Variants in SH3GL2 observed in about 807,000 individuals in gnomAD.
SH3GL2 encodes the protein SH3 domain containing GRB2 like 2, endophilin A1.
Under a neutral mutation model 46.0 loss-of-function variants are expected in SH3GL2, and 24 were observed. The observed-to-expected ratio is 0.52, with a 90% CI of 0.38 to 0.73. The LOEUF is 0.73. Ranked by LOEUF, SH3GL2 falls within the 30% of genes least tolerant of loss-of-function variation. The pLI, the probability that SH3GL2 is intolerant of heterozygous loss-of-function variation, is 0.00. For synonymous variants in SH3GL2, 196 were observed against 147.1 expected (o/e 1.33, Z -2.40); for missense variants, 413 against 424.2 (o/e 0.97, Z 0.23).
intron 3 of SH3GL2, among the ~76,000 whole-genome samples, chr9:17,782,532 G>A (rs1037665732): frequency 6.6e-6 from 1 of 152,134 alleles, no homozygotes; most frequent in Non-Finnish European, 1.5e-5. Context: ...AAAAGACTCA[G>A]TGGTAGCCTT....
At chr9:17,760,436 A>T (rs1823137364) in intron 2 of SH3GL2, among the ~76,000 whole-genome samples, 1 of 151,918 alleles carries the variant, frequency 6.6e-6, no homozygotes, top group Non-Finnish European at 1.5e-5. Flanking sequence ...TATATATTAT[A>T]TACCGGTATA....
Position 17,687,468 on chromosome 9 carries a change from C to T in SH3GL2, c.46-59598C>T, listed in dbSNP as rs375033907. Reference sequence around the variant, plus strand: ...CTGTTTTTGACTCTGTAACAGGGTACATAGGTTCAATACAAACTTTTTTAA... The same window carrying T: ...CTGTTTTTGACTCTGTAACAGGGTATATAGGTTCAATACAAACTTTTTTAA... On this transcript the variant is annotated intron_variant, in intron 1 of 8. Coordinates refer to ENST00000380607, the MANE Select transcript of SH3GL2 (RefSeq NM_003026.5). 1.1e-4 allele frequency among the ~76,000 whole-genome samples: 16 copies of T among 151,628 alleles called. 1 individual carries two copies. Among genetic ancestry groups the T allele is most frequent in the Admixed American group, 5.9e-4 (9 of 15,220 alleles).
chr9:17,729,176 G>A (rs1428278925), intron 1 of SH3GL2, among the ~76,000 whole-genome samples: 1 of 152,132 alleles, frequency 6.6e-6, no homozygotes, highest in Non-Finnish European at 1.5e-5. Context: ...GCATGAGCTG[G>A]TATCTCACTG....
At chr9:17,755,669 T>C (rs2131142950) in intron 2 of SH3GL2, 1 of 394,680 alleles carries the variant, frequency 2.5e-6, no homozygotes, top group South Asian at 1.0e-4. Context: ...GGTGTCTATG[T>C]TTTTCTTAAA....
intron 1 of SH3GL2, among the ~76,000 whole-genome samples, chr9:17,725,009 C>G (rs1821986854): frequency 6.6e-6 from 1 of 152,086 alleles, no homozygotes; most frequent in Non-Finnish European, 1.5e-5. Context: ...TTTCTCCATT[C>G]TCTCCTGAGA....
intron 1 of SH3GL2, among the ~76,000 whole-genome samples, chr9:17,659,548 T>G (rs1261431388): frequency 1.3e-5 from 2 of 152,128 alleles, no homozygotes; most frequent in Non-Finnish European, 2.9e-5. Flanking sequence ...AAACTCTAGA[T>G]TGTCTCATTT....
intron 1 of SH3GL2, among the ~76,000 whole-genome samples, chr9:17,638,167 CAAAA>C (rs970876402): frequency 8.0e-5 from 11 of 137,706 alleles, no homozygotes; most frequent in South Asian, 5.1e-4. Context: ...AAAAAAAAAA[CAAAA>C]AAACAAAAAA....
chr9:17,756,113 AATGAATAAGT>A (rs1370986356), intron 2 of SH3GL2, among the ~76,000 whole-genome samples: 2 of 152,198 alleles, frequency 1.3e-5, no homozygotes, highest in African/African-American at 4.8e-5. Context: ...ACAGCGTTTA[AATGAATAAGT>A]ATGGCTGTTT....
chr9:17,751,240 G>A (rs867434674), intron 2 of SH3GL2, among the ~76,000 whole-genome samples: 2 of 152,164 alleles, frequency 1.3e-5, no homozygotes, highest in African/African-American at 4.8e-5. Flanking sequence ...TTTCATATGA[G>A]AGTAAGAGAG....
At chr9:17,636,839 A>G (rs115316602) in intron 1 of SH3GL2, among the ~76,000 whole-genome samples, 96 of 152,310 alleles carry the variant, frequency 6.3e-4, no homozygotes, top group African/African-American at 2.1e-3. Context: ...TGTTATAACA[A>G]TTGCCTGCCC....
At chr9:17,787,656 A>T in intron 5 of SH3GL2, 143 bp downstream of exon 5, 1 of 624,994 alleles carries the variant, frequency 1.6e-6, no homozygotes, top group Non-Finnish European at 2.8e-6. Flanking sequence ...CCAGTAAGAC[A>T]AAATGAGAGA....
chr9:17,758,826 A>G (rs62549703), intron 2 of SH3GL2, among the ~76,000 whole-genome samples: 23,766 of 152,070 alleles, frequency 0.16, 2,307 homozygotes, highest in Middle Eastern at 0.25. Flanking sequence ...GTCTGCCTCA[A>G]TGGGCACAAA....
intron 1 of SH3GL2, among the ~76,000 whole-genome samples, chr9:17,605,498 A>G (rs1294577652): frequency 1.3e-5 from 2 of 152,112 alleles, no homozygotes; most frequent in East Asian, 3.9e-4. Flanking sequence ...CTAGAAATAT[A>G]AAGGGTAATG....
rs114724832 is a variant in SH3GL2, at chr9:17,636,307, A to C, written c.45+57020A>C. On this transcript the variant is annotated intron_variant, in intron 1 of 8. Coordinates refer to ENST00000380607, the MANE Select transcript of SH3GL2 (RefSeq NM_003026.5). ...GAATGTTAGGTAAAGGTAATGGATG[A>C]ATGGTCTGTGTTCTAATAACCTGCC... Among the ~76,000 whole-genome samples, 1,481 of 152,316 alleles carry C rather than the reference A, an allele frequency of 9.7e-3. 27 individuals carry two copies. The highest frequency in any genetic ancestry group is 0.033 in the African/African-American group (1,390 of 41,574).
intron 1 of SH3GL2, among the ~76,000 whole-genome samples, chr9:17,745,477 G>T (rs1822656484): frequency 6.6e-6 from 1 of 152,122 alleles, no homozygotes; most frequent in African/African-American, 2.4e-5. Flanking sequence ...TCAAGGAATG[G>T]AGGGGTCAGT....
intron 1 of SH3GL2, among the ~76,000 whole-genome samples, chr9:17,649,712 T>G (rs1483331405): frequency 6.6e-6 from 1 of 152,238 alleles, no homozygotes; most frequent in Non-Finnish European, 1.5e-5. Flanking sequence ...ATTTCAGGTT[T>G]GAGGAAAATA....
At chr9:17,579,999 A>G (rs1344206772) in intron 1 of SH3GL2, among the ~76,000 whole-genome samples, 2 of 152,234 alleles carry the variant, frequency 1.3e-5, no homozygotes, top group African/African-American at 4.8e-5. Context: ...ATTGTTTTTA[A>G]TAAATCTTTG....
intron 1 of SH3GL2, among the ~76,000 whole-genome samples, chr9:17,689,407 A>G (rs1348588653): frequency 6.6e-6 from 1 of 152,138 alleles, no homozygotes; most frequent in Non-Finnish European, 1.5e-5. Flanking sequence ...ACTTTAGTTC[A>G]TAATAATATA....
intron 5 of SH3GL2, among the ~76,000 whole-genome samples, chr9:17,788,520 A>AT (rs999634412): frequency 6.6e-6 from 1 of 151,964 alleles, no homozygotes; most frequent in Non-Finnish European, 1.5e-5. Flanking sequence ...AAAATCCAGG[A>AT]TTTTCCTTCA....
Sources: gnomAD v4.1 joint callset for allele counts (sites outside exome capture counted in the v4.1 genomes callset) on GRCh38, gnomAD v4.1.1 for gene constraint, MANE v1.5 for transcripts, NCBI Gene and HGNC (gene_info 2026-07-23, HGNC 2026-07-21) for gene names.